The following BRMS1L variants were observed in gnomAD, a reference collection of about 807,000 sequenced individuals.
BRMS1L encodes the protein BRMS1 like transcriptional repressor, also known as breast cancer metastasis-suppressor 1-like protein.
Under a neutral mutation model 50.3 loss-of-function variants are expected in BRMS1L, and 23 were observed. The observed-to-expected ratio is 0.46, with a 90% CI of 0.33 to 0.65. The LOEUF (loss-of-function observed/expected upper bound fraction) is 0.65, where lower values mean the gene tolerates loss of function less well. BRMS1L is among the 30% of genes least tolerant of loss of function. BRMS1L has a pLI of 0.02. For missense variants in BRMS1L, 286 were observed against 386.1 expected, an observed-to-expected ratio of 0.74 and a Z score of 2.17; for synonymous variants, 114 against 126.9, an observed-to-expected ratio of 0.90 and a Z score of 0.69.
At chr14:35,833,859 A>G (rs1192669106) in intron 3 of BRMS1L, among the ~76,000 whole-genome samples, 3 of 152,160 alleles carry the variant, frequency 2.0e-5, no homozygotes, top group Non-Finnish European at 4.4e-5. Context: ...TCTTTTTACT[A>G]AACCCTCCTT....
chr14:35,828,688 T>A (rs1227084385), intron 1 of BRMS1L, among the ~76,000 whole-genome samples: 1 of 152,042 alleles, frequency 6.6e-6, no homozygotes, highest in Non-Finnish European at 1.5e-5. Context: ...ACTCCTGACC[T>A]CAGGTGATCT....
rs530487148 is a variant in BRMS1L, at chr14:35,833,921, C to T, written c.361+816C>T. 3.2e-4 allele frequency among the ~76,000 whole-genome samples: 48 copies of T among 152,270 alleles called. No homozygotes were observed. The South Asian group carries it at 6.0e-3, about 19-fold the overall frequency. On this transcript the variant is annotated intron_variant, in intron 3 of 9. Transcript: ENST00000216807. ...AATATTATGTAGATGATATGATACT[C>T]TTCACTGCTATCTTTACATATTGAC...
At chr14:35,831,114 A>G (rs2077914471) in intron 1 of BRMS1L, among the ~76,000 whole-genome samples, 1 of 151,764 alleles carries the variant, frequency 6.6e-6, no homozygotes. Flanking sequence ...TAATATTTTT[A>G]TATTTTGTAG....
chr14:35,857,287 G>C (rs1273177858), intron 4 of BRMS1L, among the ~76,000 whole-genome samples: 1 of 145,634 alleles, frequency 6.9e-6, no homozygotes, highest in African/African-American at 2.5e-5. Flanking sequence ...ATATATGTGT[G>C]TGTGTGTGTG....
intron 9 of BRMS1L, among the ~76,000 whole-genome samples, chr14:35,869,677 C>A (rs1160911050): frequency 6.6e-6 from 1 of 151,966 alleles, no homozygotes; most frequent in Admixed American, 6.6e-5. Flanking sequence ...GAAACCCCGT[C>A]TCTAGTAAAA....
intron 9 of BRMS1L, among the ~76,000 whole-genome samples, chr14:35,868,494 A>G (rs936959998): frequency 6.6e-6 from 1 of 152,202 alleles, no homozygotes; most frequent in Non-Finnish European, 1.5e-5. Context: ...TAATTAAAGT[A>G]TAATCTAGGG....
In BRMS1L at chr14:35,864,916, T is replaced by C; in HGVS notation, c.623-19T>C. The C allele has an allele frequency of 6.6e-7, 1 of 1,507,476 alleles. No individual in the cohort carries two copies. Among genetic ancestry groups the C allele is most frequent in the South Asian group, 1.2e-5 (1 of 80,156 alleles). The allele number at this position is 1,507,476 out of a possible 1,614,324, so 93.4% of individuals were successfully genotyped here. On this transcript the variant is annotated intron_variant, in intron 6 of 9. Coordinates refer to ENST00000216807, the MANE Select transcript of BRMS1L (RefSeq NM_032352.4). ...AAAGTGTGATATTCTTACAGCTAAATTGACCTTGACTATTCAACGTCCATA... is the reference window on the plus strand; with the variant it reads ...AAAGTGTGATATTCTTACAGCTAAACTGACCTTGACTATTCAACGTCCATA...
chr14:35,850,011 C>T (rs1175505770), intron 4 of BRMS1L, among the ~76,000 whole-genome samples: 12 of 148,338 alleles, frequency 8.1e-5, no homozygotes, highest in East Asian at 2.1e-4. Flanking sequence ...CTAGTAGAGA[C>T]GGGGTTTCAC....
chr14:35,827,207 G>A (rs560298977), intron 1 of BRMS1L, among the ~76,000 whole-genome samples: 1 of 152,136 alleles, frequency 6.6e-6, no homozygotes, highest in Non-Finnish European at 1.5e-5. Flanking sequence ...CAACATTCGG[G>A]CTCATTTTGG....
intron 4 of BRMS1L, among the ~76,000 whole-genome samples, chr14:35,860,172 C>T (rs1395475121): frequency 6.6e-6 from 1 of 152,002 alleles, no homozygotes; most frequent in African/African-American, 2.4e-5. Context: ...CTCTGTCACC[C>T]AGGCTGTAGT....
In BRMS1L at chr14:35,871,881, T is replaced by C. The variant is rs536986943; in HGVS notation, c.*1404T>C. The C allele has an allele frequency of 4.6e-5, 7 of 152,774 alleles. No homozygotes were observed. Among genetic ancestry groups the C allele is most frequent in the African/African-American group, 1.4e-4 (6 of 41,582 alleles). 9.5% of individuals were successfully genotyped at this position (152,774 alleles called of 1,614,324 possible). ...ACCCAATAGTATTTGACAGTACTTATGTATACAATGTTTGATAAGCATTTT... is the reference window on the plus strand; with the variant it reads ...ACCCAATAGTATTTGACAGTACTTACGTATACAATGTTTGATAAGCATTTT... On this transcript the variant is annotated 3_prime_UTR_variant, in exon 10 of 10. Transcript: ENST00000216807.
intron 5 of BRMS1L, among the ~76,000 whole-genome samples, chr14:35,863,017 A>G (rs111365641): frequency 1.0e-3 from 156 of 152,238 alleles, no homozygotes; most frequent in African/African-American, 3.5e-3. Context: ...AGGCGGAAGC[A>G]TCCTTTGATC....
chr14:35,871,721 A>G lies in BRMS1L; in HGVS notation c.*1244A>G, dbSNP rs1487599431. On this transcript the variant is annotated 3_prime_UTR_variant, in exon 10 of 10. Transcript: ENST00000216807. ...GTTTTCTTATTATTTTACCTCTCCA[A>G]ACATCTTCCTGTGCAGATCACTACT... The G allele has an allele frequency of 6.5e-6, 1 of 152,684 alleles. No individual in the cohort carries two copies. The highest frequency in any genetic ancestry group is 1.5e-5 in the Non-Finnish European group (1 of 68,042). The allele number at this position is 152,684 out of a possible 1,614,324, so 9.5% of individuals were successfully genotyped here. A position where few individuals can be genotyped will look rare whatever the true frequency, so the allele number is the denominator to read the frequency against.
chr14:35,863,723 T>G, intron 5 of BRMS1L, 147 bp from the exon 6 acceptor site: 1 of 649,618 alleles, frequency 1.5e-6, no homozygotes, highest in Admixed American at 3.0e-5. Flanking sequence ...CATGAAATTA[T>G]GTACAGCTTA....
chr14:35,871,559 G>A lies in BRMS1L; in HGVS notation c.*1082G>A, dbSNP rs776945936. The A allele has an allele frequency of 1.3e-5, 2 of 152,756 alleles. No individual in the cohort carries two copies. The highest frequency in any genetic ancestry group is 6.5e-5 in the Admixed American group (1 of 15,300). The allele number at this position is 152,756 out of a possible 1,614,324, so 9.5% of individuals were successfully genotyped here. ...CAATATGGCAGCACAGCCGGCTGTAGTGTATATTTAGGGTACACCAAATCA... is the reference window on the plus strand; with the variant it reads ...CAATATGGCAGCACAGCCGGCTGTAATGTATATTTAGGGTACACCAAATCA... On this transcript the variant is annotated 3_prime_UTR_variant, in exon 10 of 10. Transcript: ENST00000216807.
intron 6 of BRMS1L, 89 bp from the exon 7 acceptor site, chr14:35,864,846 T>A (rs1168227569): frequency 1.1e-6 from 1 of 939,858 alleles, no homozygotes; most frequent in Non-Finnish European, 1.6e-6. Flanking sequence ...TGCTCATAAA[T>A]CATCGTTCCA....
Position 35,849,123 on chromosome 14 carries a change from G to A in BRMS1L, c.442-13467G>A, listed in dbSNP as rs1200600948. Among the ~76,000 whole-genome samples, 2 of 151,876 alleles carry A rather than the reference G, an allele frequency of 1.3e-5. 1 individual carries two copies. The highest frequency in any genetic ancestry group is 2.9e-5 in the Non-Finnish European group (2 of 67,972). On this transcript the variant is annotated intron_variant, in intron 4 of 9. Transcript: ENST00000216807. ...TCCCACCTTGGCCTCCCAAAGTGCT[G>A]GGATTACAGGCATGAGCCACTGTAC...
chr14:35,870,289 T>C, intron 9 of BRMS1L, 71 bp from the exon 10 acceptor site: 1 of 954,684 alleles, frequency 1.0e-6, no homozygotes, highest in Non-Finnish European at 1.6e-6. Context: ...TGGTTTTATA[T>C]AGGTAATAAT....
intron 8 of BRMS1L, among the ~76,000 whole-genome samples, chr14:35,867,049 C>A (rs1033431239): frequency 2.0e-5 from 3 of 152,102 alleles, no homozygotes; most frequent in Admixed American, 1.3e-4. Context: ...TTTTCCCCAG[C>A]ATACTTCCTT....
Sources: gnomAD v4.1 joint callset for allele counts (sites outside exome capture counted in the v4.1 genomes callset) on GRCh38, gnomAD v4.1.1 for gene constraint, MANE v1.5 for transcripts, NCBI Gene and HGNC (gene_info 2026-07-23, HGNC 2026-07-21) for gene names.